TM9SF2: variants seen among roughly 807,000 people sequenced by gnomAD.
The protein encoded by TM9SF2 is transmembrane 9 superfamily member 2.
TM9SF2 carries 13 observed loss-of-function variants against 84.9 expected under a neutral mutation model. The observed-to-expected ratio is 0.15, with a 90% CI of 0.10 to 0.24. The LOEUF (loss-of-function observed/expected upper bound fraction) is 0.24. Ranked by LOEUF, TM9SF2 falls within the 10% of genes least tolerant of loss-of-function variation. The pLI is 1.00. For missense variants in TM9SF2, 562 were observed against 818.5 expected (o/e 0.69, Z 3.82); for synonymous variants, 273 against 285.8 (o/e 0.96, Z 0.45).
intron 1 of TM9SF2, among the ~76,000 whole-genome samples, chr13:99,510,491 G>A (rs1211776188): frequency 4.6e-5 from 7 of 152,136 alleles, no homozygotes; most frequent in African/African-American, 1.2e-4. Context: ...AGCATGCACC[G>A]ACATCACTCT....
intron 3 of TM9SF2, among the ~76,000 whole-genome samples, chr13:99,526,505 T>G (rs924069231): frequency 1.3e-5 from 2 of 152,040 alleles, no homozygotes; most frequent in Non-Finnish European, 2.9e-5. Context: ...ATCTGTCGAT[T>G]TAAGTGGAGT....
At chr13:99,532,856 C>T (rs1365659001) in intron 4 of TM9SF2, among the ~76,000 whole-genome samples, 5 of 152,136 alleles carry the variant, frequency 3.3e-5, no homozygotes, top group Admixed American at 6.5e-5. Context: ...CAAACTTCAA[C>T]TATTCTGCTT....
intron 15 of TM9SF2, among the ~76,000 whole-genome samples, chr13:99,556,822 G>A (rs1202343752): frequency 6.6e-6 from 1 of 152,056 alleles, no homozygotes; most frequent in African/African-American, 2.4e-5. Flanking sequence ...TCCTGACCTC[G>A]TGATCCGCCT....
intron 1 of TM9SF2, among the ~76,000 whole-genome samples, chr13:99,503,709 C>CAAAAAA (rs386380419): frequency 2.4e-4 from 19 of 78,350 alleles, no homozygotes; most frequent in Non-Finnish European, 3.1e-4. Flanking sequence ...GACTTTGTCT[C>CAAAAAA]AAAAAAAAAA....
At chr13:99,537,227 T>C (rs932818967) in intron 5 of TM9SF2, among the ~76,000 whole-genome samples, 1 of 152,200 alleles carries the variant, frequency 6.6e-6, no homozygotes, top group Non-Finnish European at 1.5e-5. Flanking sequence ...AAATGAATTT[T>C]GTGTAATCAG....
At chr13:99,536,781 T>C in intron 5 of TM9SF2, 44 bp downstream of exon 5, 1 of 1,604,500 alleles carries the variant, frequency 6.2e-7, no homozygotes, top group South Asian at 1.1e-5. Flanking sequence ...AAACATGGCT[T>C]TTGATAGAAT....
chr13:99,501,896 G>A, intron 1 of TM9SF2, 119 bp downstream of exon 1: 3 of 1,394,752 alleles, frequency 2.2e-6, no homozygotes, highest in Non-Finnish European at 2.9e-6. Flanking sequence ...GTGGGGTTGA[G>A]TTTCCCCAGA....
intron 13 of TM9SF2, among the ~76,000 whole-genome samples, chr13:99,553,547 C>T (rs12871442): frequency 6.6e-6 from 1 of 152,162 alleles, no homozygotes; most frequent in South Asian, 2.1e-4. Context: ...TGCCTGTATA[C>T]TCATGCATCT....
chr13:99,552,810 G>A (rs1207542830), intron 13 of TM9SF2, among the ~76,000 whole-genome samples: 1 of 152,202 alleles, frequency 6.6e-6, no homozygotes, highest in African/African-American at 2.4e-5. Context: ...CATCACGTTG[G>A]TCAGGCTGGT....
At position 99,552,016 on chromosome 13, in the gene TM9SF2, G is replaced by C. The variant is rs1471292420; in HGVS notation, c.1329-151G>C. Reference sequence around the variant, plus strand: ...CTGAAGAGCAATTGGGTAGTTTCTAGTCAAGTTTTACATTCAGACATCCTG... The same window carrying C: ...CTGAAGAGCAATTGGGTAGTTTCTACTCAAGTTTTACATTCAGACATCCTG... On this transcript the variant is annotated intron_variant, in intron 12 of 16. Coordinates refer to ENST00000376387, the MANE Select transcript of TM9SF2 (RefSeq NM_004800.3). The C allele has an allele frequency of 4.0e-6, 3 of 747,976 alleles. No homozygotes were observed. In the African/African-American group the frequency reaches 5.4e-5, roughly 13 times the overall value. The allele number at this position is 747,976 out of a possible 1,614,324, so 46.3% of individuals were successfully genotyped here.
intron 15 of TM9SF2, among the ~76,000 whole-genome samples, chr13:99,558,137 T>C (rs551957076): frequency 1.3e-5 from 2 of 152,356 alleles, no homozygotes; most frequent in Admixed American, 1.3e-4. Flanking sequence ...ACCATAGATG[T>C]ATGGGTTTAT....
chr13:99,515,519 G>GT (rs2139075243), intron 1 of TM9SF2, among the ~76,000 whole-genome samples: 1 of 152,316 alleles, frequency 6.6e-6, no homozygotes, highest in Non-Finnish European at 1.5e-5. Flanking sequence ...ATATGATGCT[G>GT]TTGTCGGTAT....
intron 3 of TM9SF2, among the ~76,000 whole-genome samples, chr13:99,523,303 A>C (rs773824071): frequency 7.9e-5 from 12 of 152,224 alleles, no homozygotes; most frequent in Middle Eastern, 3.4e-3. Flanking sequence ...AGATATGCCC[A>C]CCATGCCCAG....
chr13:99,559,411 G>A lies in TM9SF2; in HGVS notation c.1801G>A (p.Val601Ile), dbSNP rs1260739647. The A allele has an allele frequency of 1.2e-6, 2 of 1,608,728 alleles. No homozygotes were observed. Among genetic ancestry groups the A allele is most frequent in the African/African-American group, 2.7e-5 (2 of 74,714 alleles). ...RSFLTSGFTAVYFLIYAVHYF... is the reference protein window; with the variant it reads ...RSFLTSGFTAIYFLIYAVHYF... ...ATTCCTTACGAGTGGCTTTACTGCA[G>A]TTTATTTCTTAATCTATGCAGTACA... The change falls in exon 16 of 17, where the codon GTT becomes ATT. Residue 601 changes from valine to isoleucine, a missense_variant. Around this residue, in one of 4 missense-constraint regions of TM9SF2, gnomAD observed 63 missense variants for 109.2 expected, o/e 0.58. Transcript: ENST00000376387.
intron 3 of TM9SF2, among the ~76,000 whole-genome samples, chr13:99,525,886 T>G (rs895285147): frequency 6.6e-6 from 1 of 151,844 alleles, no homozygotes; most frequent in African/African-American, 2.4e-5. Flanking sequence ...TTAAGCAAGG[T>G]GTGTATGTGG....
chr13:99,530,290 G>A (rs1300173975), intron 4 of TM9SF2, among the ~76,000 whole-genome samples: 2 of 152,198 alleles, frequency 1.3e-5, no homozygotes, highest in Non-Finnish European at 2.9e-5. Flanking sequence ...CAGGTGTGGT[G>A]ATGGGCTCCT....
At position 99,543,853 on chromosome 13, in the gene TM9SF2, C is replaced by G. The variant is rs370072097; in HGVS notation, c.1018-10C>G. ...ATGAGACAATCGAACTGATTTCATT[C>G]CCCTTTTAGGAAGATGCCCAGGAAG... On this transcript the variant is annotated splice_polypyrimidine_tract_variant and intron_variant, in intron 9 of 16. Coordinates refer to ENST00000376387, the MANE Select transcript of TM9SF2 (RefSeq NM_004800.3). 5.0e-6 allele frequency: 8 copies of G among 1,613,360 alleles called. No individual in the cohort carries two copies. Among genetic ancestry groups the G allele is most frequent in the Non-Finnish European group, 6.8e-6 (8 of 1,179,598 alleles).
intron 15 of TM9SF2, among the ~76,000 whole-genome samples, chr13:99,558,273 C>T (rs887649556): frequency 6.6e-6 from 1 of 152,112 alleles, no homozygotes; most frequent in African/African-American, 2.4e-5. Flanking sequence ...CAGCTTTGCT[C>T]TTTTTTATGA....
intron 2 of TM9SF2, among the ~76,000 whole-genome samples, chr13:99,518,895 T>C (rs2046146811): frequency 6.6e-6 from 1 of 151,994 alleles, no homozygotes; most frequent in Non-Finnish European, 1.5e-5. Context: ...ATTACAGGCA[T>C]GAGCCATTGT....
Sources: allele counts gnomAD v4.1 joint callset (sites outside exome capture counted in the v4.1 genomes callset), GRCh38; gene constraint gnomAD v4.1.1; regional missense constraint gnomAD v4.1.1; transcripts MANE v1.5; gene names NCBI Gene and HGNC (gene_info 2026-07-23, HGNC 2026-07-21).